Variants in TRHDE observed in about 807,000 individuals in gnomAD.
The protein encoded by TRHDE is thyrotropin-releasing hormone-degrading ectoenzyme.
TRHDE carries 72 observed loss-of-function variants against 125.7 expected under a neutral mutation model. That is an observed-to-expected ratio of 0.57 (90% CI 0.47 to 0.70). The LOEUF (loss-of-function observed/expected upper bound fraction) is 0.70. Among genes scored for constraint, TRHDE ranks in the 30% least tolerant of loss-of-function variants. The pLI, the probability that TRHDE is intolerant of heterozygous loss-of-function variation, is 0.00. For synonymous variants in TRHDE, 509 were observed against 509.1 expected, an observed-to-expected ratio of 1.00 and a Z score of 0.00; for missense variants, 1,110 against 1,327.1, an observed-to-expected ratio of 0.84 and a Z score of 2.54.
chr12:72,496,424 G>A (rs747838373), intron 5 of TRHDE, among the ~76,000 whole-genome samples: 1 of 152,150 alleles, frequency 6.6e-6, no homozygotes, highest in Non-Finnish European at 1.5e-5. Context: ...GTCTTACATG[G>A]CGGCAGGCAA....
At chr12:72,595,976 T>A (rs1871922696) in intron 12 of TRHDE, among the ~76,000 whole-genome samples, 1 of 152,086 alleles carries the variant, frequency 6.6e-6, no homozygotes, top group Non-Finnish European at 1.5e-5. Flanking sequence ...CTATTTACCT[T>A]CATTTCACAT....
intron 2 of TRHDE, among the ~76,000 whole-genome samples, chr12:72,209,965 T>G (rs1185030875): frequency 6.6e-6 from 1 of 152,170 alleles, no homozygotes; most frequent in African/African-American, 2.4e-5. Context: ...GATCAAGACG[T>G]AGACATTGTT....
intron 3 of TRHDE, among the ~76,000 whole-genome samples, chr12:72,399,232 G>A (rs565935851): frequency 6.6e-6 from 1 of 152,224 alleles, no homozygotes; most frequent in African/African-American, 2.4e-5. Context: ...AGCCAAAAAG[G>A]CTGGGAACGT....
intron 2 of TRHDE, among the ~76,000 whole-genome samples, chr12:72,140,680 C>T (rs928790686): frequency 1.6e-4 from 24 of 152,250 alleles, no homozygotes; most frequent in African/African-American, 5.5e-4. Context: ...CTAGAACAGC[C>T]ATAATATGAG....
intron 15 of TRHDE, among the ~76,000 whole-genome samples, chr12:72,628,622 C>T (rs1049758875): frequency 4.0e-5 from 6 of 151,798 alleles, no homozygotes; most frequent in Non-Finnish European, 7.4e-5. Flanking sequence ...GATCTCTATT[C>T]TAACATCAGA....
intron 3 of TRHDE, among the ~76,000 whole-genome samples, chr12:72,412,322 A>G (rs1042537927): frequency 1.1e-4 from 17 of 152,200 alleles, no homozygotes; most frequent in African/African-American, 3.4e-4. Flanking sequence ...CAATGTGTAT[A>G]TAAAAAGATA....
chr12:72,444,414 ATT>A (rs965393394), intron 3 of TRHDE, among the ~76,000 whole-genome samples: 1 of 151,668 alleles, frequency 6.6e-6, no homozygotes, highest in Admixed American at 6.6e-5. Context: ...TTTATCTGAT[ATT>A]TCTTTGTTAC....
intron 2 of TRHDE, among the ~76,000 whole-genome samples, chr12:72,157,737 TG>T (rs1292994412): frequency 2.0e-5 from 3 of 152,176 alleles, no homozygotes; most frequent in Non-Finnish European, 4.4e-5. Context: ...GATTTTTCTG[TG>T]AAGATGTTGA....
chr12:72,432,618 A>G (rs1874544411), intron 3 of TRHDE, among the ~76,000 whole-genome samples: 2 of 152,124 alleles, frequency 1.3e-5, no homozygotes, highest in African/African-American at 4.8e-5. Flanking sequence ...CATCCCCCAC[A>G]GCAGACATCA....
chr12:72,534,394 T>C (rs958790475), intron 6 of TRHDE, among the ~76,000 whole-genome samples: 4 of 152,158 alleles, frequency 2.6e-5, no homozygotes, highest in African/African-American at 9.6e-5. Context: ...TGCTGGTATC[T>C]ATGGTCCTCC....
chr12:72,407,817 C>A (rs966178819), intron 3 of TRHDE, among the ~76,000 whole-genome samples: 25 of 152,124 alleles, frequency 1.6e-4, no homozygotes, highest in Non-Finnish European at 1.5e-5. Flanking sequence ...GATCTGGGAA[C>A]CCCAAGGAAT....
intron 2 of TRHDE, among the ~76,000 whole-genome samples, chr12:72,343,115 C>A (rs544478673): frequency 6.6e-6 from 1 of 152,084 alleles, no homozygotes; most frequent in African/African-American, 2.4e-5. Flanking sequence ...GTCTTAATCA[C>A]GCTGCTTTAT....
At chr12:72,315,957 A>C (rs940001935) in intron 2 of TRHDE, among the ~76,000 whole-genome samples, 1 of 152,156 alleles carries the variant, frequency 6.6e-6, no homozygotes, top group African/African-American at 2.4e-5. Flanking sequence ...AGAAAAACAC[A>C]ACTAAATTCC....
chr12:72,165,647 A>G (rs1157678472), intron 2 of TRHDE, among the ~76,000 whole-genome samples: 1 of 151,870 alleles, frequency 6.6e-6, no homozygotes, highest in Non-Finnish European at 1.5e-5. Flanking sequence ...TTAACTTAAT[A>G]TATAATAAGT....
chr12:72,556,102 T>G (rs1332958995), intron 7 of TRHDE, among the ~76,000 whole-genome samples: 1 of 152,220 alleles, frequency 6.6e-6, no homozygotes, highest in Non-Finnish European at 1.5e-5. Context: ...TCACGCCATA[T>G]CTACTGTTCA....
In TRHDE at chr12:72,272,511, G is replaced by A; in HGVS notation, c.-133G>A. 1 of 551,840 alleles carries A rather than the reference G, an allele frequency of 1.8e-6. No homozygotes were observed. The highest frequency in any genetic ancestry group is 3.2e-6 in the Non-Finnish European group (1 of 311,862). The allele number at this position is 551,840 out of a possible 1,614,324, so 34.2% of individuals were successfully genotyped here. A position where few individuals can be genotyped will look rare whatever the true frequency, so the allele number is the denominator to read the frequency against. On this transcript the variant is annotated 5_prime_UTR_variant, in exon 1 of 19. Coordinates refer to ENST00000261180, the MANE Select transcript of TRHDE (RefSeq NM_013381.3). The surrounding 1 kb of genome is among the most constrained non-coding windows in gnomAD (Gnocchi z 6.7). ...CTTGTGTCCAGAACCCGTCTTAAAA[G>A]AACCCGGGCCAGCATCCCCAGTCGC...
chr12:72,633,562 A>C (rs1353573265), intron 15 of TRHDE, among the ~76,000 whole-genome samples: 3 of 152,084 alleles, frequency 2.0e-5, no homozygotes, highest in Non-Finnish European at 4.4e-5. Context: ...CCCTAGAAAC[A>C]GAACCACCCT....
intron 2 of TRHDE, among the ~76,000 whole-genome samples, chr12:72,163,374 T>G (rs1252531981): frequency 6.6e-6 from 1 of 152,246 alleles, no homozygotes; most frequent in Non-Finnish European, 1.5e-5. Context: ...TCTTGCAGTA[T>G]CTTTACTAAC....
chr12:72,609,659 A>G (rs944191874), intron 12 of TRHDE, among the ~76,000 whole-genome samples: 3 of 152,200 alleles, frequency 2.0e-5, no homozygotes, highest in African/African-American at 7.2e-5. Context: ...TAATATAGAA[A>G]AGGCAAAACT....
Sources: gnomAD v4.1 joint callset for allele counts (sites outside exome capture counted in the v4.1 genomes callset) on GRCh38, gnomAD v4.1.1 for gene constraint, Gnocchi (gnomAD v3.1) non-coding constraint, MANE v1.5 for transcripts, NCBI Gene and HGNC (gene_info 2026-07-23, HGNC 2026-07-21) for gene names.